CAPN6: variants seen among roughly 807,000 people sequenced by gnomAD.
The protein encoded by CAPN6 is calpain-6.
In CAPN6, 16 loss-of-function variants were observed where a neutral mutation model predicts 46.0. The ratio of observed to expected loss-of-function variants is 0.35; its 90% CI spans 0.24 to 0.53. The LOEUF (loss-of-function observed/expected upper bound fraction) is 0.53. CAPN6 is among the 20% of genes least tolerant of loss of function. The pLI is 0.94. For synonymous variants in CAPN6, 206 were observed against 172.8 expected (o/e 1.19, Z -1.51); for missense variants, 461 against 498.0 (o/e 0.93, Z 0.71).
intron 11 of CAPN6, 150 bp from the exon 12 acceptor site, chrX:111,247,654 C>T: frequency 1.5e-6 from 1 of 673,893 alleles, no homozygotes; most frequent in Non-Finnish European, 2.2e-6. Flanking sequence ...ATTCCCACTT[C>T]CCTTTCCTTT....
At chrX:111,256,845 ACC>A (rs61313475) in intron 2 of CAPN6, among the ~76,000 whole-genome samples, 21,122 of 78,896 alleles carry the variant, frequency 0.27, 4,393 homozygotes, top group African/African-American at 0.64. Flanking sequence ...TAAATTTGGG[ACC>A]CCCCCCCCCA....
intron 2 of CAPN6, among the ~76,000 whole-genome samples, chrX:111,258,710 C>T (rs1420897602): frequency 6.3e-5 from 7 of 111,697 alleles, no homozygotes; most frequent in Non-Finnish European, 1.3e-4. Context: ...GGATCTTAGG[C>T]CCAACCTCCA....
intron 2 of CAPN6, among the ~76,000 whole-genome samples, chrX:111,260,502 G>C (rs898480861): frequency 8.9e-6 from 1 of 112,964 alleles, no homozygotes; most frequent in Non-Finnish European, 1.9e-5. Context: ...CAAGATGTCT[G>C]TAAGTTTCGC....
intron 2 of CAPN6, among the ~76,000 whole-genome samples, chrX:111,256,399 C>CA (rs1046028711): frequency 2.6e-4 from 27 of 105,612 alleles, no homozygotes; most frequent in South Asian, 4.1e-4. Flanking sequence ...AACTTCGTTC[C>CA]AAAAAAAAAA....
At position 111,254,200 on chromosome X, in the gene CAPN6, A is replaced by AT. The variant is rs1168216841; in HGVS notation, c.297+71dup. 3.2e-5 allele frequency: 36 copies of AT among 1,109,232 alleles called. No homozygotes were observed. The East Asian group carries it at 1.0e-3, about 32-fold the overall frequency. 91.4% of individuals were successfully genotyped at this position (1,109,232 alleles called of 1,213,427 possible). A position where few individuals can be genotyped will look rare whatever the true frequency, so the allele number is the denominator to read the frequency against. On this transcript the variant is annotated intron_variant, in intron 3 of 12. Transcript: ENST00000324068. ...AACAATCTAAGGAAGTTATGCGCTG[A>AT]TTTTTTTCCTAAAGTTATTAAAGAA...
rs754166319 is a variant in CAPN6 at position 111,247,349 on chromosome X, C to A, written c.1743+19G>T. 21 of 1,186,151 alleles carry A rather than the reference C, an allele frequency of 1.8e-5. No individual in the cohort carries two copies. Among genetic ancestry groups the A allele is most frequent in the Non-Finnish European group, 2.2e-5 (19 of 882,304 alleles). On this transcript the variant is annotated intron_variant, in intron 12 of 12. Coordinates refer to ENST00000324068, the MANE Select transcript of CAPN6 (RefSeq NM_014289.4). ...TACAAAGTATGAGCCTTTCTGGCGACCCCTGTACACACTCTTACCTGTACT... is the reference window on the plus strand; with the variant it reads ...TACAAAGTATGAGCCTTTCTGGCGAACCCTGTACACACTCTTACCTGTACT...
chrX:111,245,346 T>C lies in CAPN6; in HGVS notation c.*1231A>G, dbSNP rs758523241. 1.8e-5 allele frequency: 2 copies of C among 111,228 alleles called. No homozygotes were observed. Among genetic ancestry groups the C allele is most frequent in the Non-Finnish European group, 3.8e-5 (2 of 53,039 alleles). The allele number at this position is 111,228 out of a possible 1,213,427, so 9.2% of individuals were successfully genotyped here. On this transcript the variant is annotated 3_prime_UTR_variant, in exon 13 of 13. Transcript: ENST00000324068. The stretch of plus-strand genomic sequence containing the variant: ...GGAAGGCTTCATGGAGGAGGTGGCA[T>C]TTATACTGGGCCTTGAAGGAGGGGC...
At chrX:111,260,224 C>A (rs1264799986) in intron 2 of CAPN6, among the ~76,000 whole-genome samples, 1 of 99,528 alleles carries the variant, frequency 1.0e-5, no homozygotes, top group Admixed American at 1.2e-4. Context: ...AAAGAAGTGG[C>A]AAGTGGGAGG....
chrX:111,261,171 A>G (rs2094987662), intron 2 of CAPN6, among the ~76,000 whole-genome samples: 1 of 112,568 alleles, frequency 8.9e-6, no homozygotes, highest in Admixed American at 9.4e-5. Context: ...AACTCTATCT[A>G]TCTCCCTGAT....
At chrX:111,268,493 AG>A (rs2094993645) in intron 1 of CAPN6, among the ~76,000 whole-genome samples, 1 of 112,855 alleles carries the variant, frequency 8.9e-6, no homozygotes, top group Non-Finnish European at 1.9e-5. Context: ...ATAAGGCTAA[AG>A]CAGGGCAGTA....
In CAPN6 at chrX:111,248,993, C is replaced by A; in HGVS notation, c.1223G>T (p.Arg408Leu). Residue 408 changes from arginine (R) to leucine (L), a missense_variant, in exon 9 of 13, where the codon CGC becomes CTC. Arg to Leu is a moderately radical substitution (Grantham distance 102). Transcript: ENST00000324068. ...AGGTCTTCCCATTCGGCGGTAAGTG[C>A]GCAGGTCCTTCTGCTGCAGTGACAT... ...VIMSLQQKDL[R>L]TYRRMGRPDN... The A allele has an allele frequency of 3.3e-6, 4 of 1,210,868 alleles. No individual in the cohort carries two copies. The highest frequency in any genetic ancestry group is 4.5e-6 in the Non-Finnish European group (4 of 894,801).
chrX:111,268,682 C>T (rs1158680696), intron 1 of CAPN6, among the ~76,000 whole-genome samples: 7 of 112,932 alleles, frequency 6.2e-5, no homozygotes, highest in Non-Finnish European at 1.1e-4. Context: ...TTTTGGCTGA[C>T]TTGCCCTTTT....
Position 111,251,030 on chromosome X carries a change from C to CA in CAPN6, c.1044dup (p.Gly349TrpfsTer16), listed in dbSNP as rs771456210. On this transcript the variant is annotated frameshift_variant, in exon 8 of 13. Transcript: ENST00000324068. LOFTEE classifies it high-confidence loss of function. ...AACACCGATTCCAGCTCCTTTCGGC[C>CA]AAAAATAGGGTTGTTCACATTGCGG... The CA allele has an allele frequency of 8.3e-7, 1 of 1,211,153 alleles. No homozygotes were observed. Among genetic ancestry groups the CA allele is most frequent in the Non-Finnish European group, 1.1e-6 (1 of 895,329 alleles).
chrX:111,257,553 C>CA (rs1397707231), intron 2 of CAPN6, among the ~76,000 whole-genome samples: 1 of 111,974 alleles, frequency 8.9e-6, no homozygotes, highest in East Asian at 2.8e-4. Context: ...GGTAATAAGC[C>CA]AATGCAAACC....
At chrX:111,264,012 C>A in intron 1 of CAPN6, 61 bp from the exon 2 acceptor site, 1 of 776,693 alleles carries the variant, frequency 1.3e-6, no homozygotes, top group Non-Finnish European at 1.8e-6. Flanking sequence ...TAAGGGTTAC[C>A]TGAGATTAGA....
chrX:111,249,194 A>G (rs761817849), intron 8 of CAPN6, 137 bp from the exon 9 acceptor site: 300 of 647,049 alleles, frequency 4.6e-4, no homozygotes, highest in Non-Finnish European at 6.5e-4. Context: ...TTATCAGACA[A>G]CAAGGTCTTG....
At chrX:111,253,259 C>T (rs1156484009) in intron 3 of CAPN6, 43 bp from the exon 4 acceptor site, 6 of 1,034,098 alleles carry the variant, frequency 5.8e-6, no homozygotes, top group Non-Finnish European at 8.1e-6. Context: ...TTCACCAGAC[C>T]ACATCCAGAA....
chrX:111,255,912 A>C (rs1411452378), intron 2 of CAPN6, among the ~76,000 whole-genome samples: 1 of 111,577 alleles, frequency 9.0e-6, no homozygotes, highest in East Asian at 2.8e-4. Context: ...TTCTATCTTA[A>C]AAAATATTTT....
At chrX:111,247,140 A>G (rs1174378516) in intron 12 of CAPN6, among the ~76,000 whole-genome samples, 1 of 111,958 alleles carries the variant, frequency 8.9e-6, no homozygotes, top group Non-Finnish European at 1.9e-5. Flanking sequence ...ACTGGTGAGC[A>G]TGTGGGCTTT....
Sources: allele counts gnomAD v4.1 joint callset (sites outside exome capture counted in the v4.1 genomes callset), GRCh38; gene constraint gnomAD v4.1.1; transcripts MANE v1.5; gene names NCBI Gene and HGNC (gene_info 2026-07-23, HGNC 2026-07-21).